PIP5K1B: variants seen among roughly 807,000 people sequenced by gnomAD.
PIP5K1B encodes phosphatidylinositol-4-phosphate 5-kinase type 1 beta.
Under a neutral mutation model 67.0 loss-of-function variants are expected in PIP5K1B, and 42 were observed. The ratio of observed to expected loss-of-function variants is 0.63; its 90% CI spans 0.49 to 0.81. The LOEUF is 0.81. Ranked by LOEUF, PIP5K1B falls within the 30% of genes least tolerant of loss-of-function variation. The pLI is 0.00. For missense variants in PIP5K1B, 459 were observed against 646.3 expected, an observed-to-expected ratio of 0.71 and a Z score of 3.14; for synonymous variants, 214 against 231.4, an observed-to-expected ratio of 0.92 and a Z score of 0.68.
intron 14 of PIP5K1B, among the ~76,000 whole-genome samples, chr9:68,964,296 T>G (rs1327084337): frequency 6.6e-6 from 1 of 152,182 alleles, no homozygotes; most frequent in Admixed American, 6.5e-5. Flanking sequence ...TCTTAAGGGT[T>G]TATAAAAGGA....
chr9:68,742,935 GTCTC>G (rs1001946953), intron 2 of PIP5K1B, among the ~76,000 whole-genome samples: 1 of 152,166 alleles, frequency 6.6e-6, no homozygotes, highest in African/African-American at 2.4e-5. Context: ...TGGATAGTAG[GTCTC>G]TCTCTTTTTA....
rs566164953 is a variant in PIP5K1B at position 68,739,029 on chromosome 9, G to A, written c.-242-3472G>A. ...CCAGCCTTCAGTTTCTTCATTCTCC[G>A]TCAGCCGACCCTGAACAATCCTGGC... On this transcript the variant is annotated intron_variant, in intron 1 of 15. Coordinates refer to ENST00000265382, the MANE Select transcript of PIP5K1B (RefSeq NM_003558.4). Among the ~76,000 whole-genome samples the A allele has an allele frequency of 3.9e-5, 6 of 152,160 alleles. No homozygotes were observed. In the South Asian group the frequency reaches 8.3e-4, roughly 21 times the overall value.
intron 1 of PIP5K1B, among the ~76,000 whole-genome samples, chr9:68,718,998 A>G (rs1827759001): frequency 6.6e-6 from 1 of 152,192 alleles, no homozygotes; most frequent in African/African-American, 2.4e-5. Context: ...AATTTTAAAA[A>G]AGGATCAAAA....
At chr9:68,999,484 G>A (rs1173575505) in intron 15 of PIP5K1B, among the ~76,000 whole-genome samples, 1 of 152,240 alleles carries the variant, frequency 6.6e-6, no homozygotes, top group Non-Finnish European at 1.5e-5. Context: ...TCAGGTAAAT[G>A]ACTATATGAA....
At chr9:68,926,257 G>A (rs905945929) in intron 12 of PIP5K1B, among the ~76,000 whole-genome samples, 4 of 151,970 alleles carry the variant, frequency 2.6e-5, no homozygotes, top group Non-Finnish European at 5.9e-5. Context: ...CATCTTGGGA[G>A]GTTTTTCTTT....
chr9:68,882,645 T>A (rs1824256847), intron 6 of PIP5K1B, among the ~76,000 whole-genome samples: 2 of 152,226 alleles, frequency 1.3e-5, no homozygotes, highest in African/African-American at 2.4e-5. Context: ...TTGCAACCTC[T>A]AATTTCTGCA....
intron 2 of PIP5K1B, among the ~76,000 whole-genome samples, chr9:68,743,744 T>C (rs1829132812): frequency 6.6e-6 from 1 of 152,232 alleles, no homozygotes; most frequent in African/African-American, 2.4e-5. Context: ...CATGTTTTAC[T>C]GCCCTGCATG....
At position 68,934,919 on chromosome 9, in the gene PIP5K1B, T is replaced by G. The variant is rs373718671; in HGVS notation, c.1231T>G (p.Cys411Gly). Residue 411 changes from cysteine (C) to glycine (G), a missense_variant, in exon 13 of 16, where the codon TGC (cysteine) becomes GGC (glycine). Physicochemically the swap from Cys to Gly is radical, Grantham distance 159 (BLOSUM62 -3). Around this residue, in one of 2 missense-constraint regions of PIP5K1B, gnomAD observed 169 missense variants for 171.9 expected, o/e 0.98. Transcript: ENST00000265382. The stretch of plus-strand genomic sequence containing the variant: ...GAAGGCTTCACCGTCTAAGAAACGG[T>G]GCAATTCAATCGCCGCCCTAAAGGC... ...ALKASPSKKR[C>G]NSIAALKATS... 8.1e-6 allele frequency: 13 copies of G among 1,612,674 alleles called. No homozygotes were observed. The highest frequency in any genetic ancestry group is 9.3e-6 in the Non-Finnish European group (11 of 1,179,142).
chr9:68,834,950 C>G (rs1252830422), intron 4 of PIP5K1B, among the ~76,000 whole-genome samples: 3 of 152,214 alleles, frequency 2.0e-5, no homozygotes, highest in African/African-American at 7.2e-5. Context: ...TTTTCCAACA[C>G]TGTCACTTAA....
chr9:68,993,060 G>T (rs1239472195), intron 15 of PIP5K1B, among the ~76,000 whole-genome samples: 1 of 151,998 alleles, frequency 6.6e-6, no homozygotes, highest in East Asian at 1.9e-4. Context: ...TACTCGGAAG[G>T]CTGGGGCAGG....
intron 14 of PIP5K1B, among the ~76,000 whole-genome samples, chr9:68,982,318 C>A (rs1474492957): frequency 1.3e-5 from 2 of 152,110 alleles, no homozygotes; most frequent in Non-Finnish European, 2.9e-5. Flanking sequence ...GAAATTGATT[C>A]TAAATAGGCT....
chr9:68,928,946 C>T (rs986575744), intron 12 of PIP5K1B, among the ~76,000 whole-genome samples: 3 of 152,196 alleles, frequency 2.0e-5, no homozygotes, highest in Non-Finnish European at 2.9e-5. Context: ...GGGCGGATCA[C>T]GAGGTCAGGA....
chr9:68,739,599 G>A (rs1005749093), intron 1 of PIP5K1B, among the ~76,000 whole-genome samples: 1 of 152,182 alleles, frequency 6.6e-6, no homozygotes, highest in African/African-American at 2.4e-5. Context: ...ATTTTGGTTG[G>A]AGGAATGTTT....
chr9:68,964,688 A>G (rs1209720494), intron 14 of PIP5K1B, among the ~76,000 whole-genome samples: 2 of 152,248 alleles, frequency 1.3e-5, no homozygotes, highest in Non-Finnish European at 2.9e-5. Flanking sequence ...TAAAGAAGAA[A>G]TAGGCTACCC....
intron 13 of PIP5K1B, among the ~76,000 whole-genome samples, chr9:68,937,184 G>T (rs199737131): frequency 6.6e-6 from 1 of 152,186 alleles, no homozygotes; most frequent in East Asian, 1.9e-4. Context: ...CAGAAGAAAT[G>T]GTATCAGCTC....
At position 68,822,566 on chromosome 9, in the gene PIP5K1B, T is replaced by C. The variant is rs200332301; in HGVS notation, c.1-49T>C. On this transcript the variant is annotated intron_variant, in intron 3 of 15. Coordinates refer to ENST00000265382, the MANE Select transcript of PIP5K1B (RefSeq NM_003558.4). ...GGTTAGCAATATTATTAATATATTGTATTTCAGAGTAACATTGAAGTTCAA... is the reference window on the plus strand; with the variant it reads ...GGTTAGCAATATTATTAATATATTGCATTTCAGAGTAACATTGAAGTTCAA... 1.3e-4 allele frequency: 160 copies of C among 1,272,016 alleles called. No homozygotes were observed. In the East Asian group the frequency reaches 3.7e-3, roughly 29 times the overall value. The allele number at this position is 1,272,016 out of a possible 1,614,324, so 78.8% of individuals were successfully genotyped here.
At chr9:68,790,803 T>C (rs887345041) in intron 2 of PIP5K1B, among the ~76,000 whole-genome samples, 3 of 152,230 alleles carry the variant, frequency 2.0e-5, no homozygotes, top group African/African-American at 7.2e-5. Flanking sequence ...AAGTGTGCTG[T>C]GCTTTGATTT....
chr9:68,853,205 A>T (rs2132214815), intron 4 of PIP5K1B, among the ~76,000 whole-genome samples: 1 of 152,288 alleles, frequency 6.6e-6, no homozygotes, highest in African/African-American at 2.4e-5. Context: ...GGACCTGTGA[A>T]TCAGTCCCAC....
chr9:68,780,586 C>T (rs1483760478), intron 2 of PIP5K1B: 1 of 1,614,212 alleles, frequency 6.2e-7, no homozygotes, highest in Non-Finnish European at 8.5e-7. Flanking sequence ...GATTTCATTC[C>T]TGTGTCACCA....
Sources: gnomAD v4.1 joint callset for allele counts (sites outside exome capture counted in the v4.1 genomes callset) on GRCh38, gnomAD v4.1.1 for gene constraint, gnomAD v4.1.1 regional missense constraint, MANE v1.5 for transcripts, NCBI Gene and HGNC (gene_info 2026-07-23, HGNC 2026-07-21) for gene names.